Variants in CNTN4 observed in about 807,000 individuals in gnomAD.
CNTN4 encodes the protein contactin-4.
Under a neutral mutation model 122.5 loss-of-function variants are expected in CNTN4, and 77 were observed. The observed-to-expected ratio is 0.63, with a 90% CI of 0.52 to 0.76. CNTN4 has a LOEUF of 0.76. CNTN4 is among the 30% of genes least tolerant of loss of function. CNTN4 has a pLI of 0.00. For synonymous variants in CNTN4, 512 were observed against 447.0 expected, an observed-to-expected ratio of 1.15 and a Z score of -1.83; for missense variants, 1,256 against 1,259.1, an observed-to-expected ratio of 1.00 and a Z score of 0.04.
intron 6 of CNTN4, among the ~76,000 whole-genome samples, chr3:2,765,386 C>T (rs2090808600): frequency 6.6e-6 from 1 of 152,042 alleles, no homozygotes; most frequent in Non-Finnish European, 1.5e-5. Context: ...GCTTTTTTTC[C>T]GGGTTAAGAA....
chr3:2,451,248 A>G (rs1308292395), intron 3 of CNTN4, among the ~76,000 whole-genome samples: 1 of 152,162 alleles, frequency 6.6e-6, no homozygotes, highest in Non-Finnish European at 1.5e-5. Context: ...TAATGTAATA[A>G]TAGCTTACAT....
chr3:2,691,248 G>A (rs1273429156), intron 4 of CNTN4, among the ~76,000 whole-genome samples: 1 of 152,070 alleles, frequency 6.6e-6, no homozygotes. Flanking sequence ...ATTCCTCATT[G>A]ATCATATTAT....
At chr3:2,183,522 A>T (rs897899163) in intron 2 of CNTN4, among the ~76,000 whole-genome samples, 8 of 152,074 alleles carry the variant, frequency 5.3e-5, no homozygotes, top group Non-Finnish European at 1.2e-4. Flanking sequence ...TGATTTGGGA[A>T]TTTAAGGTCT....
chr3:2,570,918 G>A (rs749253478), intron 3 of CNTN4, among the ~76,000 whole-genome samples: 10 of 152,102 alleles, frequency 6.6e-5, no homozygotes, highest in Non-Finnish European at 1.2e-4. Flanking sequence ...TGAAACACGG[G>A]GCAGAGGGGA....
At chr3:2,299,952 G>T (rs1021839688) in intron 2 of CNTN4, among the ~76,000 whole-genome samples, 1 of 152,070 alleles carries the variant, frequency 6.6e-6, no homozygotes, top group Non-Finnish European at 1.5e-5. Flanking sequence ...CAAATTGTTT[G>T]TCAGGGTCAT....
chr3:2,483,443 A>G (rs1468168559), intron 3 of CNTN4, among the ~76,000 whole-genome samples: 1 of 152,126 alleles, frequency 6.6e-6, no homozygotes, highest in East Asian at 1.9e-4. Flanking sequence ...TGCTGGAATG[A>G]GCTAAGACTA....
intron 3 of CNTN4, among the ~76,000 whole-genome samples, chr3:2,431,698 A>G (rs1467784192): frequency 6.6e-6 from 1 of 152,194 alleles, no homozygotes; most frequent in Non-Finnish European, 1.5e-5. Flanking sequence ...GACCTCAGGG[A>G]TATAGAAACT....
At chr3:2,666,893 A>C (rs1311730628) in intron 4 of CNTN4, among the ~76,000 whole-genome samples, 1 of 151,946 alleles carries the variant, frequency 6.6e-6, no homozygotes, top group Admixed American at 6.6e-5. Flanking sequence ...TTCCAGCTTC[A>C]TCCATGTCCC....
At chr3:2,470,531 C>G (rs1443690288) in intron 3 of CNTN4, among the ~76,000 whole-genome samples, 2 of 152,132 alleles carry the variant, frequency 1.3e-5, no homozygotes, top group Non-Finnish European at 2.9e-5. Context: ...GTAGATGTAT[C>G]TCTTAACTTC....
At chr3:2,576,992 G>A (rs1559259459) in intron 4 of CNTN4, among the ~76,000 whole-genome samples, 2 of 152,230 alleles carry the variant, frequency 1.3e-5, no homozygotes, top group African/African-American at 2.4e-5. Context: ...CTTCAGCTAA[G>A]AGGGCATGAG....
chr3:2,804,065 GCACACACACA>G (rs71058651), intron 6 of CNTN4, among the ~76,000 whole-genome samples: 84 of 144,414 alleles, frequency 5.8e-4, no homozygotes, highest in Admixed American at 3.5e-3. Flanking sequence ...ATATATGTCT[GCACACACACA>G]CACACACACA....
At chr3:2,415,160 T>C (rs1031681601) in intron 3 of CNTN4, among the ~76,000 whole-genome samples, 2 of 152,198 alleles carry the variant, frequency 1.3e-5, no homozygotes, top group African/African-American at 4.8e-5. Flanking sequence ...CATACTGCAG[T>C]GTTAAATGTG....
intron 4 of CNTN4, among the ~76,000 whole-genome samples, chr3:2,613,762 G>A (rs555940214): frequency 1.3e-5 from 2 of 152,138 alleles, no homozygotes; most frequent in East Asian, 3.9e-4. Context: ...TTGTTTTTAA[G>A]GTTGAATAGA....
rs555084880 is a variant in CNTN4, at chr3:2,144,979, C to T, written c.-145+44340C>T. Among the ~76,000 whole-genome samples the T allele has an allele frequency of 2.0e-5, 3 of 152,282 alleles. No individual in the cohort carries two copies. The East Asian group carries it at 5.8e-4, about 29-fold the overall frequency. Reference sequence around the variant, plus strand: ...TGTACCATGATATACATCATTTTCGCTCCCCTAGGAAAGCACTGCTGATGA... The same window carrying T: ...TGTACCATGATATACATCATTTTCGTTCCCCTAGGAAAGCACTGCTGATGA... On this transcript the variant is annotated intron_variant, in intron 2 of 24. Coordinates refer to ENST00000418658, the MANE Select transcript of CNTN4 (RefSeq NM_175607.3).
chr3:2,706,029 T>C (rs1054278843), intron 4 of CNTN4, among the ~76,000 whole-genome samples: 1 of 143,472 alleles, frequency 7.0e-6, no homozygotes, highest in African/African-American at 2.6e-5. Flanking sequence ...TATACATATT[T>C]ATATAGATAG....
At chr3:2,300,542 T>G (rs2042465420) in intron 2 of CNTN4, among the ~76,000 whole-genome samples, 1 of 151,398 alleles carries the variant, frequency 6.6e-6, no homozygotes, top group Non-Finnish European at 1.5e-5. Context: ...GGGATGAGTT[T>G]ATTTACACAG....
intron 6 of CNTN4, among the ~76,000 whole-genome samples, chr3:2,808,989 T>C (rs931892593): frequency 2.0e-5 from 3 of 152,230 alleles, no homozygotes; most frequent in Non-Finnish European, 4.4e-5. Flanking sequence ...ACAGCAGTGC[T>C]CAACAAGTAC....
intron 2 of CNTN4, among the ~76,000 whole-genome samples, chr3:2,294,288 C>CTTTTTTTTTTTTTTTTTTTTTTTTTTT (rs71058604): frequency 7.4e-6 from 1 of 135,614 alleles, no homozygotes; most frequent in African/African-American, 2.7e-5. Context: ...AGAGTTGTGA[C>CTTTTTTTTTTTTTTTTTTTTTTTTTTT]TTTTTTTTTT....
intron 2 of CNTN4, among the ~76,000 whole-genome samples, chr3:2,321,927 A>G (rs774711075): frequency 5.9e-5 from 9 of 152,164 alleles, no homozygotes; most frequent in Non-Finnish European, 1.2e-4. Flanking sequence ...AAAAACCCAC[A>G]TTCATGATCC....
Sources: gnomAD v4.1 joint callset for allele counts (sites outside exome capture counted in the v4.1 genomes callset) on GRCh38, gnomAD v4.1.1 for gene constraint, MANE v1.5 for transcripts, NCBI Gene and HGNC (gene_info 2026-07-23, HGNC 2026-07-21) for gene names.